The following PRIM2 variants were observed in gnomAD, a reference collection of about 807,000 sequenced individuals.
The protein encoded by PRIM2 is DNA primase subunit 2.
PRIM2 carries 39 observed loss-of-function variants against 67.3 expected under a neutral mutation model. The ratio of observed to expected loss-of-function variants is 0.58; its 90% CI spans 0.45 to 0.76. PRIM2 has a LOEUF of 0.76. PRIM2 is among the 30% of genes least tolerant of loss of function. The pLI is 0.00. For synonymous variants in PRIM2, 143 were observed against 198.7 expected (o/e 0.72, Z 2.36); for missense variants, 398 against 598.7 (o/e 0.66, Z 3.50).
intron 10 of PRIM2, among the ~76,000 whole-genome samples, chr6:57,552,662 C>T (rs1335825699): frequency 6.6e-6 from 1 of 152,188 alleles, no homozygotes. Flanking sequence ...CTTTGGACCT[C>T]AAGGCCTTTT....
At chr6:57,259,016 T>C in the PRIM2 span, among the ~76,000 whole-genome samples, 1 of 152,222 alleles carries the variant, frequency 6.6e-6, no homozygotes, top group Non-Finnish European at 1.5e-5. Flanking sequence ...AATTCAGTGC[T>C]TCTAAGTTCC....
At chr6:57,519,427 G>A (rs1554348648) in intron 8 of PRIM2, among the ~76,000 whole-genome samples, 2 of 152,316 alleles carry the variant, frequency 1.3e-5, no homozygotes, top group East Asian at 1.9e-4. Context: ...AGGCCTACCC[G>A]CAGGCACGCA....
At chr6:57,459,409 T>A (rs1460062585) in intron 7 of PRIM2, among the ~76,000 whole-genome samples, 3 of 152,224 alleles carry the variant, frequency 2.0e-5, no homozygotes, top group African/African-American at 7.2e-5. Context: ...ATGATCTTAT[T>A]AGGTGGACAT....
At chr6:57,516,277 G>A (rs1160549703) in intron 8 of PRIM2, among the ~76,000 whole-genome samples, 1 of 152,146 alleles carries the variant, frequency 6.6e-6, no homozygotes, top group African/African-American at 2.4e-5. Flanking sequence ...GAGGATCCAG[G>A]AATTAGAGCA....
At chr6:57,285,973 A>G in the PRIM2 span, among the ~76,000 whole-genome samples, 2 of 152,224 alleles carry the variant, frequency 1.3e-5, no homozygotes, top group Non-Finnish European at 2.9e-5. Context: ...ATAGACAAAC[A>G]AAGAGCCAAA....
At chr6:57,631,875 G>A (rs1241114949) in intron 12 of PRIM2, among the ~76,000 whole-genome samples, 2 of 151,372 alleles carry the variant, frequency 1.3e-5, no homozygotes, top group Non-Finnish European at 2.9e-5. Flanking sequence ...TTGAGGTAAA[G>A]TTATTAAAAT....
chr6:57,506,400 T>A (rs1774252096), intron 7 of PRIM2, among the ~76,000 whole-genome samples: 3 of 152,098 alleles, frequency 2.0e-5, no homozygotes, highest in African/African-American at 7.2e-5. Context: ...TTTCCATTTT[T>A]AGGAAATTGT....
intron 10 of PRIM2, among the ~76,000 whole-genome samples, chr6:57,598,447 G>C (rs1776406547): frequency 6.6e-6 from 1 of 152,134 alleles, no homozygotes; most frequent in East Asian, 1.9e-4. Flanking sequence ...TCCCAGGAAA[G>C]TTAGATTTTT....
the PRIM2 span, among the ~76,000 whole-genome samples, chr6:57,289,225 T>G: frequency 1.3e-5 from 2 of 151,892 alleles, no homozygotes; most frequent in African/African-American, 4.8e-5. Flanking sequence ...ATCAAATTAA[T>G]GAAATAAAGC....
At chr6:57,477,954 G>T (rs1357572076) in intron 7 of PRIM2, among the ~76,000 whole-genome samples, 8 of 152,150 alleles carry the variant, frequency 5.3e-5, no homozygotes, top group African/African-American at 1.9e-4. Context: ...GCACAATCAT[G>T]CACTGCACTA....
intron 13 of PRIM2, among the ~76,000 whole-genome samples, chr6:57,641,642 C>G (rs1199581151): frequency 6.6e-6 from 1 of 152,188 alleles, no homozygotes. Context: ...TGCTCATCAT[C>G]ACTGGTCATC....
At chr6:57,397,982 A>T (rs1770579805) in intron 7 of PRIM2, among the ~76,000 whole-genome samples, 1 of 132,026 alleles carries the variant, frequency 7.6e-6, no homozygotes, top group Non-Finnish European at 1.5e-5. Flanking sequence ...TTTTTTTGAG[A>T]CGGAGTCTTG....
chr6:57,277,853 G>A, the PRIM2 span, among the ~76,000 whole-genome samples: 3 of 151,626 alleles, frequency 2.0e-5, no homozygotes, highest in African/African-American at 7.3e-5. Context: ...GTGTGGTGGC[G>A]GGCACCTGTA....
At chr6:57,345,771 G>A (rs72870448) in intron 5 of PRIM2, among the ~76,000 whole-genome samples, 1 of 152,202 alleles carries the variant, frequency 6.6e-6, no homozygotes, top group African/African-American at 2.4e-5. Context: ...GTAGCCCTAC[G>A]GGCTGCTGGT....
chr6:57,558,134 C>T (rs1775552704), intron 10 of PRIM2, among the ~76,000 whole-genome samples: 1 of 152,136 alleles, frequency 6.6e-6, no homozygotes, highest in Non-Finnish European at 1.5e-5. Flanking sequence ...ACTTAGTTTT[C>T]TCATCTTTCA....
chr6:57,392,523 G>C (rs77567521), intron 7 of PRIM2, among the ~76,000 whole-genome samples: 1 of 151,874 alleles, frequency 6.6e-6, no homozygotes, highest in Admixed American at 6.6e-5. Context: ...TAAATCCAAA[G>C]CTAGTGAAAA....
At chr6:57,330,029 A>C (rs1767999127) in intron 5 of PRIM2, among the ~76,000 whole-genome samples, 1 of 152,154 alleles carries the variant, frequency 6.6e-6, no homozygotes, top group Non-Finnish European at 1.5e-5. Context: ...TCAACTTGTT[A>C]ATTTCTACCA....
intron 10 of PRIM2, among the ~76,000 whole-genome samples, chr6:57,559,277 G>A (rs1308438723): frequency 6.6e-6 from 1 of 152,126 alleles, no homozygotes; most frequent in Non-Finnish European, 1.5e-5. Flanking sequence ...TGAATCCATG[G>A]AAGTTATTAT....
intron 7 of PRIM2, among the ~76,000 whole-genome samples, chr6:57,477,995 T>C (rs1482074427): frequency 6.6e-6 from 1 of 152,186 alleles, no homozygotes; most frequent in Non-Finnish European, 1.5e-5. Flanking sequence ...GAAATAACAA[T>C]AGTAATAGCT....
Sources: allele counts gnomAD v4.1 joint callset (sites outside exome capture counted in the v4.1 genomes callset), GRCh38; gene constraint gnomAD v4.1.1; transcripts MANE v1.5; gene names NCBI Gene and HGNC (gene_info 2026-07-23, HGNC 2026-07-21).